The following ZNF514 variants were observed in gnomAD, a reference collection of about 807,000 sequenced individuals.
ZNF514 encodes the protein zinc finger protein 514.
In ZNF514, 12 loss-of-function variants were observed where a neutral mutation model predicts 9.7. The observed-to-expected ratio is 1.24, with a 90% CI of 0.79 to 2.01. The LOEUF (loss-of-function observed/expected upper bound fraction) is 2.01, where lower values mean the gene tolerates loss of function less well. Ranked by LOEUF, ZNF514 falls within the 30% of genes most tolerant of loss-of-function variation. The pLI is 0.00. For missense variants in ZNF514, 467 were observed against 465.5 expected, an observed-to-expected ratio of 1.00 and a Z score of -0.03; for synonymous variants, 158 against 163.7, an observed-to-expected ratio of 0.97 and a Z score of 0.27.
In ZNF514 at chr2:95,159,651, GCGCCAGCCCCCGCCCGCCA is replaced by G. The variant is rs1230744206; in HGVS notation, c.-526_-508del. 25 of 49,700 alleles carry G rather than the reference GCGCCAGCCCCCGCCCGCCA, an allele frequency of 5.0e-4. No individual in the cohort carries two copies. The highest frequency in any genetic ancestry group is 1.6e-3 in the African/African-American group (20 of 12,812). 3.1% of individuals were successfully genotyped at this position (49,700 alleles called of 1,614,324 possible). On this transcript the variant is annotated 5_prime_UTR_variant, in exon 1 of 5. Transcript: ENST00000295208. ...CGCGCCAGCCCCCGCCCGCCACCCC[GCGCCAGCCCCCGCCCGCCA>G]CCCCGCGCCAGCCCCCGCGTCCGCC...
chr2:95,137,611 C>A, the ZNF514 span, among the ~76,000 whole-genome samples: 1 of 152,090 alleles, frequency 6.6e-6, no homozygotes, highest in Non-Finnish European at 1.5e-5. Flanking sequence ...TTTATCCAGC[C>A]TCCTCCCTTC....
chr2:95,134,054 A>G, the ZNF514 span, among the ~76,000 whole-genome samples: 1 of 152,248 alleles, frequency 6.6e-6, no homozygotes, highest in Admixed American at 6.5e-5. Flanking sequence ...TGAACTCAAA[A>G]AAGTTCAGCT....
At chr2:95,135,798 A>G in the ZNF514 span, among the ~76,000 whole-genome samples, 1 of 151,834 alleles carries the variant, frequency 6.6e-6, no homozygotes, top group Non-Finnish European at 1.5e-5. Flanking sequence ...TTGGCCAGGC[A>G]CGGTGGCTCA....
intron 2 of ZNF514, 128 bp downstream of exon 2, chr2:95,157,223 G>C: frequency 2.0e-6 from 1 of 489,372 alleles, no homozygotes; most frequent in Non-Finnish European, 3.6e-6. Flanking sequence ...ACTTGGATGG[G>C]CTCAGCCTCC....
At chr2:95,124,461 G>T in the ZNF514 span, among the ~76,000 whole-genome samples, 1 of 151,934 alleles carries the variant, frequency 6.6e-6, no homozygotes, top group Non-Finnish European at 1.5e-5. Flanking sequence ...AGGACATTTA[G>T]TTTGTCTCAT....
intron 1 of ZNF514, among the ~76,000 whole-genome samples, chr2:95,157,894 GGGAA>G (rs1673730307): frequency 6.6e-6 from 1 of 152,256 alleles, no homozygotes; most frequent in African/African-American, 2.4e-5. Context: ...CCTCATCCTT[GGGAA>G]CCCAGCTCAG....
rs1188059666 is a variant in ZNF514 at position 95,148,134 on chromosome 2, C to T, written c.*1148G>A. ...TACTGCAAAGATCCAGTCTATTAAT[C>T]TCCATACTACAGCTGTGAACCACAG... is the stretch of plus-strand genomic sequence containing the variant. On this transcript the variant is annotated 3_prime_UTR_variant, in exon 5 of 5. Coordinates refer to ENST00000295208, the MANE Select transcript of ZNF514 (RefSeq NM_032788.3). 1.3e-5 allele frequency: 2 copies of T among 152,224 alleles called. No individual in the cohort carries two copies. The highest frequency in any genetic ancestry group is 4.8e-5 in the African/African-American group (2 of 41,448). The allele number at this position is 152,224 out of a possible 1,614,324, so 9.4% of individuals were successfully genotyped here.
chr2:95,136,130 C>A, the ZNF514 span, among the ~76,000 whole-genome samples: 1 of 152,066 alleles, frequency 6.6e-6, no homozygotes, highest in Non-Finnish European at 1.5e-5. Context: ...ATCTTGTATC[C>A]AGCAATGTTG....
Position 95,153,249 on chromosome 2 carries a change from G to A in ZNF514, c.5C>T (p.Thr2Ile). Residue 2 changes from threonine (T) to isoleucine (I), a missense_variant, in exon 3 of 5, where the codon ACA (threonine) becomes ATA (isoleucine). Transcript: ENST00000295208. M[T>I]FEDVAVEFSQ... is the part of the protein sequence containing the mutation. ...GAATTCCACAGCCACATCTTCAAATGTCATCAGGTCCTGAAACACAGAAGA... is the reference window on the plus strand; with the variant it reads ...GAATTCCACAGCCACATCTTCAAATATCATCAGGTCCTGAAACACAGAAGA... The A allele has an allele frequency of 6.8e-6, 11 of 1,613,762 alleles. No homozygotes were observed. Among genetic ancestry groups the A allele is most frequent in the Non-Finnish European group, 9.3e-6 (11 of 1,179,768 alleles).
chr2:95,123,812 T>G, the ZNF514 span, among the ~76,000 whole-genome samples: 1 of 152,220 alleles, frequency 6.6e-6, no homozygotes, highest in Non-Finnish European at 1.5e-5. Flanking sequence ...TGGTCAATGG[T>G]CAAGCCTCCA....
chr2:95,155,859 C>G lies in ZNF514; in HGVS notation c.-7+1492G>C, dbSNP rs547243043. On this transcript the variant is annotated intron_variant, in intron 2 of 4. Coordinates refer to ENST00000295208, the MANE Select transcript of ZNF514 (RefSeq NM_032788.3). The stretch of plus-strand genomic sequence containing the variant: ...TGAGTGGAAACCCAAAGAGCCATCC[C>G]CGGGTTCTCACACTGCTCTTTCCCT... Among the ~76,000 whole-genome samples the G allele has an allele frequency of 2.6e-5, 4 of 152,210 alleles. No individual in the cohort carries two copies. The East Asian group carries it at 7.7e-4, about 29-fold the overall frequency.
chr2:95,125,180 G>A, the ZNF514 span, among the ~76,000 whole-genome samples: 1 of 148,966 alleles, frequency 6.7e-6, no homozygotes, highest in African/African-American at 2.5e-5. Context: ...TGCCCAGCCA[G>A]AAATTTTAAA....
chr2:95,124,615 C>T, the ZNF514 span, among the ~76,000 whole-genome samples: 1 of 151,820 alleles, frequency 6.6e-6, no homozygotes, highest in Non-Finnish European at 1.5e-5. Flanking sequence ...ATTCTCGTGC[C>T]TCAGTCTCCT....
At chr2:95,158,205 C>T (rs550620471) in intron 1 of ZNF514, among the ~76,000 whole-genome samples, 165 of 152,248 alleles carry the variant, frequency 1.1e-3, no homozygotes, top group Non-Finnish European at 1.5e-3. Context: ...TGTGGGGCCC[C>T]AGAGTCTGCA....
downstream of ZNF514, among the ~76,000 whole-genome samples, chr2:95,140,899 C>T (rs529082469): frequency 2.1e-4 from 32 of 151,452 alleles, no homozygotes; most frequent in East Asian, 4.3e-3. Context: ...TGCTTGAACC[C>T]GGGAGGTGGC....
chr2:95,131,928 C>A, the ZNF514 span, among the ~76,000 whole-genome samples: 119,991 of 151,384 alleles, frequency 0.79, 47,876 homozygotes, highest in African/African-American at 0.87. Flanking sequence ...GGATCGCTTA[C>A]GGTCAGGAGT....
chr2:95,157,026 G>T (rs1304109318), intron 2 of ZNF514, among the ~76,000 whole-genome samples: 1 of 152,164 alleles, frequency 6.6e-6, no homozygotes, highest in Non-Finnish European at 1.5e-5. Context: ...TGTTACTGGT[G>T]GCTGCGTCCT....
chr2:95,149,903 A>T lies in ZNF514; in HGVS notation c.582T>A (p.Ser194=). Residue 194 remains serine (S), a synonymous_variant, in exon 5 of 5, where the codon TCT becomes TCA. Transcript: ENST00000295208. ...EFRQTLGGNN[S]QRTHPEKKSC... ...ATTTCTTTTCTGGGTGGGTTCTCTG[A>T]GAGTTGTTTCCCCCTAAAGTCTGCC... 3 of 1,614,206 alleles carry T rather than the reference A, an allele frequency of 1.9e-6. No homozygotes were observed. Among genetic ancestry groups the T allele is most frequent in the Non-Finnish European group, 2.5e-6 (3 of 1,180,038 alleles).
the ZNF514 span, among the ~76,000 whole-genome samples, chr2:95,136,240 C>T: frequency 2.6e-5 from 4 of 151,892 alleles, no homozygotes; most frequent in Non-Finnish European, 5.9e-5. Flanking sequence ...TCATGTTCAA[C>T]CAACTAATTA....
Sources: gnomAD v4.1 joint callset for allele counts (sites outside exome capture counted in the v4.1 genomes callset) on GRCh38, gnomAD v4.1.1 for gene constraint, MANE v1.5 for transcripts, NCBI Gene and HGNC (gene_info 2026-07-23, HGNC 2026-07-21) for gene names.